The following CACNA2D4 variants were observed in gnomAD, a reference collection of about 807,000 sequenced individuals.
The protein encoded by CACNA2D4 is voltage-dependent calcium channel subunit alpha-2/delta-4.
A neutral mutation model predicts 163.8 loss-of-function variants in CACNA2D4; 157 were observed. The observed-to-expected ratio is 0.96, with a 90% CI of 0.84 to 1.09. The LOEUF (loss-of-function observed/expected upper bound fraction) is 1.09, where lower values mean the gene tolerates loss of function less well. Among genes scored for constraint, CACNA2D4 ranks in the 50% least tolerant of loss-of-function variants. The pLI, the probability that CACNA2D4 is intolerant of heterozygous loss-of-function variation, is 0.00. For missense variants in CACNA2D4, 1,410 were observed against 1,479.9 expected (o/e 0.95, Z 0.78); for synonymous variants, 598 against 586.9 (o/e 1.02, Z -0.27).
At chr12:1,801,250 G>C (rs1028952220) in intron 30 of CACNA2D4, 132 bp from the exon 31 acceptor site, 2 of 734,904 alleles carry the variant, frequency 2.7e-6, no homozygotes, top group Non-Finnish European at 2.5e-6. Context: ...CAGCAGATCA[G>C]AATACAGCTC....
intron 35 of CACNA2D4, 31 bp downstream of exon 35, chr12:1,797,387 C>T (rs1343343396): frequency 3.5e-6 from 5 of 1,446,356 alleles, no homozygotes; most frequent in African/African-American, 2.8e-5. Flanking sequence ...AGGAGTGTGG[C>T]GGGACGGGCG....
intron 37 of CACNA2D4, among the ~76,000 whole-genome samples, chr12:1,794,743 C>T (rs960691196): frequency 9.9e-5 from 15 of 152,214 alleles, no homozygotes; most frequent in African/African-American, 3.4e-4. Flanking sequence ...GGACACTCTC[C>T]AAACACAGTG....
chr12:1,906,769 T>C (rs557006545), intron 6 of CACNA2D4, among the ~76,000 whole-genome samples: 1 of 152,312 alleles, frequency 6.6e-6, no homozygotes, highest in South Asian at 2.1e-4. Flanking sequence ...AGCTCTGAGT[T>C]CCCTTGGCAC....
chr12:1,834,219 C>A lies in CACNA2D4; in HGVS notation c.2551+6520G>T, dbSNP rs1864751103. 6.6e-7 allele frequency: 1 copy of A among 1,513,376 alleles called. No homozygotes were observed. 93.7% of individuals were successfully genotyped at this position (1,513,376 alleles called of 1,614,324 possible). On this transcript the variant is annotated intron_variant, in intron 26 of 37. Coordinates refer to ENST00000382722, the MANE Select transcript of CACNA2D4 (RefSeq NM_172364.5). The surrounding 1 kb of genome is among the most constrained non-coding windows in gnomAD (Gnocchi z 7.6). ...GAGCTGGGGATGGGGAGAGGGAGTG[C>A]AAGTTCTAGATGCCTGGTCAGCCCC...
intron 26 of CACNA2D4, chr12:1,823,322 T>C (rs1265027102): frequency 6.6e-6 from 1 of 152,292 alleles, no homozygotes; most frequent in Non-Finnish European, 1.5e-5. Context: ...GACTGATTAA[T>C]TAACCTCCAT....
chr12:1,840,097 A>T (rs1301154916), intron 26 of CACNA2D4, among the ~76,000 whole-genome samples: 2 of 152,186 alleles, frequency 1.3e-5, no homozygotes, highest in Non-Finnish European at 2.9e-5. Flanking sequence ...CTGGTTGAAC[A>T]GGTATGGGCT....
At chr12:1,871,625 G>A (rs893223249) in intron 18 of CACNA2D4, among the ~76,000 whole-genome samples, 3 of 151,178 alleles carry the variant, frequency 2.0e-5, no homozygotes, top group Admixed American at 6.6e-5. Flanking sequence ...GTGTGTGCAT[G>A]TGTACACGCG....
At chr12:1,849,527 G>A (rs75627462) in intron 23 of CACNA2D4, among the ~76,000 whole-genome samples, 2,176 of 152,284 alleles carry the variant, frequency 0.014, 29 homozygotes, top group Non-Finnish European at 0.021. Context: ...ATATGGCTAG[G>A]TTTAGCTGTT....
rs771755048 is a variant in CACNA2D4 at position 1,884,848 on chromosome 12, G to A, written c.1192C>T (p.Gln398Ter). The A allele has an allele frequency of 6.8e-6, 11 of 1,613,758 alleles. No individual in the cohort carries two copies. Among genetic ancestry groups the A allele is most frequent in the Non-Finnish European group, 9.3e-6 (11 of 1,179,822 alleles). Residue 398 changes from glutamine to a stop codon, truncating the protein, a stop_gained, in exon 11 of 38, where the codon CAG becomes TAG. Transcript: ENST00000382722. LOFTEE classifies it high-confidence loss of function. ...CCGTCGCTGATGAGCATGATGGCCT[G>A]GTTGCAGAGGCTTCCTTGCTTGGCC... ...QEAKQGSLCN[Q>*]AIMLISDGAV...
At chr12:1,918,191 A>G in intron 1 of CACNA2D4, 56 bp downstream of exon 1, 1 of 1,337,728 alleles carries the variant, frequency 7.5e-7, no homozygotes, top group African/African-American at 1.5e-5. Flanking sequence ...CCAGCCCGGG[A>G]AGAAAGTGGG....
chr12:1,867,596 A>C (rs1400579489), intron 18 of CACNA2D4, among the ~76,000 whole-genome samples: 2 of 152,246 alleles, frequency 1.3e-5, no homozygotes, highest in African/African-American at 4.8e-5. Flanking sequence ...TACCTTCTGC[A>C]TAGCAAACAA....
rs1863098229 is a variant in CACNA2D4 at position 1,795,651 on chromosome 12, C to T, written c.3226+17G>A. On this transcript the variant is annotated intron_variant, in intron 36 of 37. Transcript: ENST00000382722. ...CCCCCGCCCCCACCGCACACATCCC[C>T]GAGCATTGCAGGATATATTTGACTT... 2 of 1,544,476 alleles carry T rather than the reference C, an allele frequency of 1.3e-6. No homozygotes were observed. The highest frequency in any genetic ancestry group is 2.2e-5 in the East Asian group (1 of 44,538).
chr12:1,852,903 C>T (rs1865317107), intron 23 of CACNA2D4, among the ~76,000 whole-genome samples: 1 of 152,138 alleles, frequency 6.6e-6, no homozygotes, highest in East Asian at 1.9e-4. Flanking sequence ...TTTTCCTCAT[C>T]TGTCAAATGG....
chr12:1,907,000 T>A (rs931076023), intron 6 of CACNA2D4, among the ~76,000 whole-genome samples: 7 of 152,282 alleles, frequency 4.6e-5, no homozygotes, highest in African/African-American at 1.7e-4. Context: ...TTTCTATTTT[T>A]ATTGATGGAC....
chr12:1,853,321 C>A (rs1281515866), intron 23 of CACNA2D4, among the ~76,000 whole-genome samples: 1 of 152,112 alleles, frequency 6.6e-6, no homozygotes, highest in Non-Finnish European at 1.5e-5. Context: ...CTATAAAATT[C>A]TGTAGGTGTT....
At chr12:1,888,445 C>G (rs894058724) in intron 6 of CACNA2D4, among the ~76,000 whole-genome samples, 1 of 152,134 alleles carries the variant, frequency 6.6e-6, no homozygotes, top group African/African-American at 2.4e-5. Context: ...TAGTGGGAGG[C>G]AGCAGACTCA....
At chr12:1,840,288 G>A (rs377716278) in intron 26 of CACNA2D4, among the ~76,000 whole-genome samples, 317 of 148,670 alleles carry the variant, frequency 2.1e-3, no homozygotes, top group African/African-American at 6.9e-3. Context: ...AGCTCTGCCC[G>A]CCAGCCTTTC....
Position 1,806,265 on chromosome 12 carries a change from C to T in CACNA2D4, c.2721+4013G>A, listed in dbSNP as rs933570668. 4.6e-5 allele frequency among the ~76,000 whole-genome samples: 7 copies of T among 152,194 alleles called. No individual in the cohort carries two copies. The highest frequency in any genetic ancestry group is 8.8e-5 in the Non-Finnish European group (6 of 68,042). Reference sequence around the variant, plus strand: ...CCACAAAGCCACTGTCATTGCCTGTCCCCAGCTGTCTGCTTCTCTTTCTAG... The same window carrying T: ...CCACAAAGCCACTGTCATTGCCTGTTCCCAGCTGTCTGCTTCTCTTTCTAG... On this transcript the variant is annotated intron_variant, in intron 29 of 37. Transcript: ENST00000382722. This position sits in a 1 kb window ranked among gnomAD's most constrained non-coding sequence, Gnocchi z 4.1.
intron 23 of CACNA2D4, among the ~76,000 whole-genome samples, chr12:1,848,367 T>G (rs1865198254): frequency 6.6e-6 from 1 of 152,238 alleles, no homozygotes. Flanking sequence ...CTCTTCAGCC[T>G]GCTCTGTGTC....
Sources: allele counts gnomAD v4.1 joint callset (sites outside exome capture counted in the v4.1 genomes callset), GRCh38; gene constraint gnomAD v4.1.1; non-coding constraint Gnocchi (gnomAD v3.1); transcripts MANE v1.5; gene names NCBI Gene and HGNC (gene_info 2026-07-23, HGNC 2026-07-21).